Variants in CUL1 observed in about 807,000 individuals in gnomAD.
CUL1 encodes cullin 1.
A neutral mutation model predicts 118.0 loss-of-function variants in CUL1; 24 were observed. That is an observed-to-expected ratio of 0.20 (90% CI 0.15 to 0.29). The LOEUF (loss-of-function observed/expected upper bound fraction) is 0.29, where lower values mean the gene tolerates loss of function less well. Ranked by LOEUF, CUL1 falls within the 10% of genes least tolerant of loss-of-function variation. The pLI is 1.00. For missense variants in CUL1, 361 were observed against 933.8 expected, an observed-to-expected ratio of 0.39 and a Z score of 7.99; for synonymous variants, 332 against 340.4, an observed-to-expected ratio of 0.98 and a Z score of 0.27.
intron 1 of CUL1, among the ~76,000 whole-genome samples, chr7:148,701,034 C>T (rs1322107793): frequency 2.6e-5 from 4 of 152,142 alleles, no homozygotes; most frequent in Non-Finnish European, 4.4e-5. Context: ...ACATGACAGC[C>T]TTATTTCCCA....
At chr7:148,699,244 G>T (rs1310896990) in intron 1 of CUL1, among the ~76,000 whole-genome samples, 9 of 152,114 alleles carry the variant, frequency 5.9e-5, no homozygotes, top group African/African-American at 1.9e-4. Flanking sequence ...AGGAGCGAGC[G>T]GGGCCGGGCC....
At chr7:148,781,885 A>G (rs1319984663) in intron 9 of CUL1, among the ~76,000 whole-genome samples, 1 of 152,220 alleles carries the variant, frequency 6.6e-6, no homozygotes, top group Non-Finnish European at 1.5e-5. Flanking sequence ...TTATATACAT[A>G]ACATGCTATA....
At chr7:148,785,269 C>T (rs1800777296) in intron 11 of CUL1, among the ~76,000 whole-genome samples, 1 of 152,058 alleles carries the variant, frequency 6.6e-6, no homozygotes, top group South Asian at 2.1e-4. Context: ...TGGAAGGCCT[C>T]TGATGACTTG....
intron 1 of CUL1, among the ~76,000 whole-genome samples, chr7:148,700,311 A>G (rs922798142): frequency 1.3e-5 from 2 of 152,224 alleles, no homozygotes; most frequent in Admixed American, 1.3e-4. Context: ...ACTTCAAGCC[A>G]TGAGCTTCTA....
At chr7:148,699,262 AC>A (rs1047569393) in intron 1 of CUL1, among the ~76,000 whole-genome samples, 1 of 150,980 alleles carries the variant, frequency 6.6e-6, no homozygotes, top group Non-Finnish European at 1.5e-5. Context: ...GCCCTGAGTC[AC>A]CCCGGACGGG....
chr7:148,798,538 T>A lies in CUL1; in HGVS notation c.2031-34T>A. The A allele has an allele frequency of 2.6e-6, 4 of 1,510,026 alleles. No homozygotes were observed. The East Asian group carries it at 6.8e-5, about 26-fold the overall frequency. The allele number at this position is 1,510,026 out of a possible 1,614,324, so 93.5% of individuals were successfully genotyped here. A position where few individuals can be genotyped will look rare whatever the true frequency, so the allele number is the denominator to read the frequency against. ...AGCCTTCACTGCCTACCTTTTAATA[T>A]AATAGTGATCGGTTTCCTCATTTTT... On this transcript the variant is annotated intron_variant, in intron 19 of 21. Transcript: ENST00000325222.
intron 9 of CUL1, among the ~76,000 whole-genome samples, chr7:148,772,665 C>T (rs1485357699): frequency 6.6e-6 from 1 of 152,164 alleles, no homozygotes; most frequent in Non-Finnish European, 1.5e-5. Context: ...GTCACATCTC[C>T]GTGACCTCAT....
chr7:148,759,402 C>T (rs778877076), intron 5 of CUL1, 48 bp downstream of exon 5: 13 of 1,590,972 alleles, frequency 8.2e-6, no homozygotes, highest in African/African-American at 1.3e-5. Context: ...AATCCCTTCG[C>T]AGTTTCGTTG....
chr7:148,779,925 GA>G (rs1283240183), intron 9 of CUL1, among the ~76,000 whole-genome samples: 2 of 152,186 alleles, frequency 1.3e-5, no homozygotes, highest in African/African-American at 4.8e-5. Flanking sequence ...AGAAAAACGT[GA>G]AAAGGCGAGA....
At chr7:148,709,661 ATTG>A (rs1039455411) in intron 1 of CUL1, among the ~76,000 whole-genome samples, 1 of 152,232 alleles carries the variant, frequency 6.6e-6, no homozygotes, top group Non-Finnish European at 1.5e-5. Context: ...TGGACCGACT[ATTG>A]TTGAGACTTT....
chr7:148,783,558 T>A (rs1800720847), intron 9 of CUL1: 26 of 1,434,648 alleles, frequency 1.8e-5, no homozygotes, highest in Non-Finnish European at 2.2e-5. Flanking sequence ...AATATTTAGT[T>A]TTGAGTGTGG....
chr7:148,729,822 GT>G, intron 1 of CUL1, 139 bp from the exon 2 acceptor site: 1 of 265,262 alleles, frequency 3.8e-6, no homozygotes, highest in Non-Finnish European at 7.0e-6. Flanking sequence ...AGACCATATG[GT>G]TAACATGAAT....
intron 2 of CUL1, 58 bp downstream of exon 2, chr7:148,730,320 A>C (rs577671794): frequency 6.7e-7 from 1 of 1,503,210 alleles, no homozygotes; most frequent in South Asian, 1.3e-5. Flanking sequence ...TACTAGTATG[A>C]CTTATGAATT....
At chr7:148,772,599 C>T (rs1364754322) in intron 9 of CUL1, among the ~76,000 whole-genome samples, 1 of 152,142 alleles carries the variant, frequency 6.6e-6, no homozygotes, top group African/African-American at 2.4e-5. Context: ...TTAGGGCATT[C>T]CTGTAGTAGA....
chr7:148,794,510 C>T (rs901236180), intron 17 of CUL1, among the ~76,000 whole-genome samples: 1 of 152,146 alleles, frequency 6.6e-6, no homozygotes, highest in Non-Finnish European at 1.5e-5. Flanking sequence ...CCCCTAACTT[C>T]GTTTTATTTT....
intron 9 of CUL1, among the ~76,000 whole-genome samples, chr7:148,772,408 C>T (rs1800242472): frequency 8.1e-6 from 1 of 123,388 alleles, no homozygotes; most frequent in Admixed American, 8.8e-5. Context: ...GAGAGAGACT[C>T]CGTCTCAAAA....
intron 9 of CUL1, among the ~76,000 whole-genome samples, chr7:148,780,316 T>C (rs1800580213): frequency 6.6e-6 from 1 of 152,248 alleles, no homozygotes. Flanking sequence ...TGTGTTTCGA[T>C]ATTTGTTAAA....
chr7:148,709,732 G>C (rs571011795), intron 1 of CUL1, among the ~76,000 whole-genome samples: 7 of 152,296 alleles, frequency 4.6e-5, no homozygotes, highest in African/African-American at 1.4e-4. Context: ...CCACAGCTAG[G>C]GTGGTGACAG....
chr7:148,788,517 T>C, intron 13 of CUL1, 40 bp from the exon 14 acceptor site: 1 of 1,283,696 alleles, frequency 7.8e-7, no homozygotes, highest in East Asian at 2.3e-5. Context: ...ATTTGTATTT[T>C]TGTACAAATT....
Sources: allele counts gnomAD v4.1 joint callset (sites outside exome capture counted in the v4.1 genomes callset), GRCh38; gene constraint gnomAD v4.1.1; transcripts MANE v1.5; gene names NCBI Gene and HGNC (gene_info 2026-07-23, HGNC 2026-07-21).